Variants in OSTF1 observed in about 807,000 individuals in gnomAD.
OSTF1 encodes the protein osteoclast-stimulating factor 1.
A neutral mutation model predicts 37.2 loss-of-function variants in OSTF1; 27 were observed. The ratio of observed to expected loss-of-function variants is 0.73; its 90% CI spans 0.54 to 1.00. The LOEUF is 1.00. OSTF1 is among the 50% of genes least tolerant of loss of function. The probability of loss-of-function intolerance (pLI) is 0.00; values close to 1 mark genes in which losing one functional copy is unlikely to be tolerated. For synonymous variants in OSTF1, 82 were observed against 89.2 expected, an observed-to-expected ratio of 0.92 and a Z score of 0.46; for missense variants, 232 against 253.8, an observed-to-expected ratio of 0.91 and a Z score of 0.58.
intron 2 of OSTF1, among the ~76,000 whole-genome samples, chr9:75,124,001 A>G (rs1172201373): frequency 6.6e-6 from 1 of 152,226 alleles, no homozygotes. Context: ...TCTTTCTCAA[A>G]TGATGCACTT....
chr9:75,133,524 A>G, intron 6 of OSTF1, 123 bp downstream of exon 6: 1 of 611,330 alleles, frequency 1.6e-6, no homozygotes, highest in East Asian at 2.8e-5. Flanking sequence ...CCTTTAGAAT[A>G]CCGGCCAAAA....
At chr9:75,136,903 G>T (rs1374096604) in intron 7 of OSTF1, among the ~76,000 whole-genome samples, 6 of 152,296 alleles carry the variant, frequency 3.9e-5, no homozygotes, top group Admixed American at 6.5e-5. Context: ...CTGCCTGGGG[G>T]TATGTGCACA....
intron 1 of OSTF1, among the ~76,000 whole-genome samples, chr9:75,114,309 A>T (rs985391817): frequency 2.0e-5 from 3 of 152,198 alleles, no homozygotes; most frequent in African/African-American, 7.2e-5. Context: ...GTGTATTTAC[A>T]TAATCCCCTT....
chr9:75,144,026 A>G (rs1825983703), intron 9 of OSTF1, among the ~76,000 whole-genome samples: 1 of 152,234 alleles, frequency 6.6e-6, no homozygotes, highest in Admixed American at 6.5e-5. Flanking sequence ...GACACAGAAT[A>G]TGGGCAAAAC....
rs143004738 is a variant in OSTF1 at position 75,110,280 on chromosome 9, A to G, written c.35-7224A>G. 4.0e-4 allele frequency among the ~76,000 whole-genome samples: 61 copies of G among 152,198 alleles called. No individual in the cohort carries two copies. In the East Asian group the frequency reaches 0.01, roughly 25 times the overall value. ...GTACCTCCCCCAACCCTTGACAACC[A>G]CTGATCTTTTTACTGTTTCCATAGT... On this transcript the variant is annotated intron_variant, in intron 1 of 9. Coordinates refer to ENST00000346234, the MANE Select transcript of OSTF1 (RefSeq NM_012383.5).
Position 75,130,634 on chromosome 9 carries a change from C to G in OSTF1, c.189C>G (p.Ser63Arg), listed in dbSNP as rs560112859. The G allele has an allele frequency of 6.2e-7, 1 of 1,608,134 alleles. No individual in the cohort carries two copies. The highest frequency in any genetic ancestry group is 1.1e-5 in the South Asian group (1 of 90,932). ...AAGGCAGGACTGGACTAATTCCAAG[C>G]AACTATGGTAAGTGTTGCTGAGTGG... ...TSKGRTGLIP[S>R]NYVAEQAESI... Residue 63 changes from serine to arginine, a missense_variant, in exon 4 of 10, where the codon AGC becomes AGG. Transcript: ENST00000346234.
chr9:75,104,921 C>A (rs1004594934), intron 1 of OSTF1, among the ~76,000 whole-genome samples: 21 of 152,156 alleles, frequency 1.4e-4, no homozygotes, highest in African/African-American at 5.1e-4. Context: ...CCCTCTCTAA[C>A]CTCAGTTTCC....
intron 9 of OSTF1, among the ~76,000 whole-genome samples, chr9:75,143,665 G>T (rs1342137154): frequency 6.6e-6 from 1 of 152,202 alleles, no homozygotes; most frequent in Non-Finnish European, 1.5e-5. Flanking sequence ...ATGTTTGTTG[G>T]TTGGTTTTAA....
rs115979724 is a variant in OSTF1 at position 75,099,986 on chromosome 9, T to C, written c.34+11260T>C. On this transcript the variant is annotated intron_variant, in intron 1 of 9. Transcript: ENST00000346234. ...TTCTATTCATAGTTGAAAATTATTATAGTGCTCAAGTGTTAGTTTTCCACT... is the reference window on the plus strand; with the variant it reads ...TTCTATTCATAGTTGAAAATTATTACAGTGCTCAAGTGTTAGTTTTCCACT... Among the ~76,000 whole-genome samples the C allele has an allele frequency of 9.2e-5, 14 of 152,356 alleles. No individual in the cohort carries two copies. In the South Asian group the frequency reaches 2.7e-3, roughly 29 times the overall value.
intron 2 of OSTF1, among the ~76,000 whole-genome samples, chr9:75,125,744 G>A (rs1825651372): frequency 6.6e-6 from 1 of 152,120 alleles, no homozygotes. Flanking sequence ...GCTGATAATA[G>A]CCTTCATTTA....
At chr9:75,130,381 A>G (rs1825743643) in intron 3 of OSTF1, among the ~76,000 whole-genome samples, 197 bp from the exon 4 acceptor site, 1 of 152,172 alleles carries the variant, frequency 6.6e-6, no homozygotes. Context: ...CATTTGTTGC[A>G]GGCAGATGCG....
intron 5 of OSTF1, among the ~76,000 whole-genome samples, chr9:75,132,627 T>A (rs545318979): frequency 1.3e-5 from 2 of 152,266 alleles, no homozygotes; most frequent in Non-Finnish European, 2.9e-5. Flanking sequence ...AAAGCCTCAA[T>A]GAGCTCCATT....
At chr9:75,096,053 G>A (rs1436369583) in intron 1 of OSTF1, among the ~76,000 whole-genome samples, 1 of 152,100 alleles carries the variant, frequency 6.6e-6, no homozygotes, top group East Asian at 1.9e-4. Context: ...CACCACGCCT[G>A]GCTAATTTTT....
intron 3 of OSTF1, among the ~76,000 whole-genome samples, chr9:75,128,363 CATATATAT>C (rs1174174895): frequency 0.019 from 217 of 11,500 alleles, 13 homozygotes; most frequent in East Asian, 0.026. Context: ...GTATGAAAGA[CATATATAT>C]ATATATATAT....
At chr9:75,115,635 CCCTTTTTTTGT>C (rs1455705756) in intron 1 of OSTF1, among the ~76,000 whole-genome samples, 2 of 113,750 alleles carry the variant, frequency 1.8e-5, no homozygotes, top group Non-Finnish European at 4.2e-5. Context: ...AGAGGACCCC[CCCTTTTTTTGT>C]TTTTTTTTTG....
At chr9:75,094,800 T>A (rs1250680421) in intron 1 of OSTF1, among the ~76,000 whole-genome samples, 3 of 152,158 alleles carry the variant, frequency 2.0e-5, no homozygotes, top group Non-Finnish European at 4.4e-5. Context: ...TCCTGGCACT[T>A]TGGGAGGCCC....
intron 1 of OSTF1, among the ~76,000 whole-genome samples, chr9:75,090,204 C>T (rs1421381133): frequency 6.7e-6 from 1 of 148,306 alleles, no homozygotes; most frequent in Non-Finnish European, 1.5e-5. Flanking sequence ...TCACCTGCTG[C>T]CAGTTGAAAT....
chr9:75,128,197 A>G (rs1825689995), intron 3 of OSTF1, among the ~76,000 whole-genome samples: 1 of 150,930 alleles, frequency 6.6e-6, no homozygotes, highest in South Asian at 2.1e-4. Flanking sequence ...GACATGGTTA[A>G]AAATTGAAGT....
intron 7 of OSTF1, among the ~76,000 whole-genome samples, chr9:75,135,472 A>C (rs1281647078): frequency 6.6e-6 from 1 of 151,398 alleles, no homozygotes; most frequent in Non-Finnish European, 1.5e-5. Context: ...TTTCTTTTAG[A>C]ATTTTTATCT....
Sources: allele counts gnomAD v4.1 joint callset (sites outside exome capture counted in the v4.1 genomes callset), GRCh38; gene constraint gnomAD v4.1.1; transcripts MANE v1.5; gene names NCBI Gene and HGNC (gene_info 2026-07-23, HGNC 2026-07-21).